Variants in NECAB1 observed in about 807,000 individuals in gnomAD.
NECAB1 encodes the protein N-terminal EF-hand calcium-binding protein 1.
A neutral mutation model predicts 57.5 loss-of-function variants in NECAB1; 29 were observed. The ratio of observed to expected loss-of-function variants is 0.50; its 90% CI spans 0.38 to 0.69. The LOEUF is 0.69. Among genes scored for constraint, NECAB1 ranks in the 30% least tolerant of loss-of-function variants. NECAB1 has a pLI of 0.00. For synonymous variants in NECAB1, 142 were observed against 147.7 expected (o/e 0.96, Z 0.28); for missense variants, 372 against 413.8 (o/e 0.90, Z 0.88).
At chr8:90,907,145 T>TGAGAGAGA (rs1455170539) in intron 5 of NECAB1, among the ~76,000 whole-genome samples, 137 of 104,186 alleles carry the variant, frequency 1.3e-3, no homozygotes, top group African/African-American at 3.4e-3. Context: ...TGTGTGTGTG[T>TGAGAGAGA]GTGTGTGAGA....
intron 3 of NECAB1, among the ~76,000 whole-genome samples, chr8:90,840,627 A>C (rs1051383904): frequency 6.6e-6 from 1 of 152,218 alleles, no homozygotes; most frequent in South Asian, 2.1e-4. Context: ...AGAAAATTGT[A>C]AAAACGTATG....
intron 4 of NECAB1, among the ~76,000 whole-genome samples, chr8:90,877,447 G>C (rs980300823): frequency 6.6e-6 from 1 of 151,980 alleles, no homozygotes; most frequent in Non-Finnish European, 1.5e-5. Context: ...AGGGAACCTC[G>C]CCCTCAACCC....
intron 2 of NECAB1, among the ~76,000 whole-genome samples, chr8:90,815,523 G>T (rs2129684397): frequency 6.6e-6 from 1 of 151,912 alleles, no homozygotes; most frequent in East Asian, 1.9e-4. Flanking sequence ...ACCTTCAAAA[G>T]TCCTCTGTTC....
At chr8:90,795,995 T>A (rs929933532) in intron 1 of NECAB1, among the ~76,000 whole-genome samples, 2 of 152,178 alleles carry the variant, frequency 1.3e-5, no homozygotes, top group Non-Finnish European at 2.9e-5. Context: ...AAAAAATTTT[T>A]AAAAAAGTAT....
intron 5 of NECAB1, among the ~76,000 whole-genome samples, chr8:90,895,947 G>T (rs1809318488): frequency 6.6e-6 from 1 of 152,176 alleles, no homozygotes; most frequent in Non-Finnish European, 1.5e-5. Flanking sequence ...ATGTCAGTAG[G>T]AGAATAATTT....
intron 5 of NECAB1, among the ~76,000 whole-genome samples, chr8:90,881,892 G>A (rs116842618): frequency 6.6e-6 from 1 of 152,310 alleles, no homozygotes; most frequent in East Asian, 1.9e-4. Context: ...AAGGAAGTTG[G>A]TAGAGCTGGA....
rs745599002 is a variant in NECAB1 at position 90,906,872 on chromosome 8, T to TAC, written c.358-10616_358-10615dup. Among the ~76,000 whole-genome samples the TAC allele has an allele frequency of 1.6e-3, 175 of 109,028 alleles. 4 individuals carry two copies. Among genetic ancestry groups the TAC allele is most frequent in the East Asian group, 2.3e-3 (8 of 3,474 alleles). The allele number at this position is 109,028 out of a possible 152,430, so 71.5% of individuals were successfully genotyped here. On this transcript the variant is annotated intron_variant, in intron 5 of 12. Coordinates refer to ENST00000417640, the MANE Select transcript of NECAB1 (RefSeq NM_022351.5). ...ATCCACCTTTTCCTTACATATGATA[T>TAC]ACACATATATATATATATATATATA... is the stretch of plus-strand genomic sequence containing the variant.
chr8:90,889,655 A>T (rs1778687073), intron 5 of NECAB1, among the ~76,000 whole-genome samples: 1 of 152,200 alleles, frequency 6.6e-6, no homozygotes, highest in Non-Finnish European at 1.5e-5. Flanking sequence ...AAGGAAATAG[A>T]GTCAGCTATG....
intron 2 of NECAB1, chr8:90,806,790 T>C (rs1462242718): frequency 2.0e-5 from 3 of 152,254 alleles, no homozygotes; most frequent in African/African-American, 7.2e-5. Flanking sequence ...TAAATGAGAT[T>C]ATGCCTCTGA....
intron 2 of NECAB1, among the ~76,000 whole-genome samples, chr8:90,802,841 C>A (rs1811782817): frequency 6.6e-6 from 1 of 152,014 alleles, no homozygotes; most frequent in South Asian, 2.1e-4. Context: ...GCTTTTTGTT[C>A]CCATTTGAAG....
rs1810999461 is a variant in NECAB1, at chr8:90,955,017, G to A, written c.1031-470G>A. ...TGTATATGTACACATATGCATATAT[G>A]TATATACATATATAAATGCAGGTGC... On this transcript the variant is annotated intron_variant, in intron 12 of 12. Transcript: ENST00000417640. Among the ~76,000 whole-genome samples the A allele has an allele frequency of 2.1e-5, 3 of 142,536 alleles. No individual in the cohort carries two copies. In the South Asian group the frequency reaches 6.5e-4, roughly 31 times the overall value. 93.5% of individuals were successfully genotyped at this position (142,536 alleles called of 152,430 possible). A position where few individuals can be genotyped will look rare whatever the true frequency, so the allele number is the denominator to read the frequency against.
At chr8:90,848,663 G>A (rs1586055933) in intron 3 of NECAB1, among the ~76,000 whole-genome samples, 1 of 152,224 alleles carries the variant, frequency 6.6e-6, no homozygotes, top group Admixed American at 6.5e-5. Context: ...AGGCAAGACA[G>A]CTTGTGCAGG....
chr8:90,859,352 G>A (rs1812853901), intron 3 of NECAB1: 1 of 152,186 alleles, frequency 6.6e-6, no homozygotes, highest in African/African-American at 2.4e-5. Context: ...AGTATTGCTA[G>A]GGAAGAAGGT....
chr8:90,896,926 A>G (rs1218431521), intron 5 of NECAB1, among the ~76,000 whole-genome samples: 1 of 152,168 alleles, frequency 6.6e-6, no homozygotes, highest in Non-Finnish European at 1.5e-5. Context: ...TTAGCCTGTG[A>G]GGTCTAACCC....
At chr8:90,925,143 T>A (rs1270704468) in intron 6 of NECAB1, among the ~76,000 whole-genome samples, 2 of 152,050 alleles carry the variant, frequency 1.3e-5, no homozygotes, top group Non-Finnish European at 2.9e-5. Flanking sequence ...ATTTGACTCC[T>A]AAAAATATAT....
Position 90,958,896 on chromosome 8 carries a change from C to A in NECAB1, c.*3384C>A. 1.6e-6 allele frequency: 1 copy of A among 633,540 alleles called. No homozygotes were observed. Among genetic ancestry groups the A allele is most frequent in the Non-Finnish European group, 2.6e-6 (1 of 387,236 alleles). 39.2% of individuals were successfully genotyped at this position (633,540 alleles called of 1,614,324 possible). ...CTCATTTTTAGAGAAGTCAAATAGC[C>A]AACCATCAAAATTAAGAATAAATTG... On this transcript the variant is annotated 3_prime_UTR_variant, in exon 13 of 13. Transcript: ENST00000417640.
At chr8:90,948,675 G>A (rs1321935242) in intron 10 of NECAB1, among the ~76,000 whole-genome samples, 1 of 152,038 alleles carries the variant, frequency 6.6e-6, no homozygotes, top group Non-Finnish European at 1.5e-5. Flanking sequence ...AGTTTTTAAA[G>A]GCATCTTTAT....
chr8:90,864,646 CATT>C (rs1808475091), intron 3 of NECAB1, among the ~76,000 whole-genome samples: 2 of 151,930 alleles, frequency 1.3e-5, no homozygotes, highest in Admixed American at 1.3e-4. Context: ...GATTTGGGGT[CATT>C]ATTATTATTT....
At chr8:90,854,222 T>C (rs1270227937) in intron 3 of NECAB1, among the ~76,000 whole-genome samples, 1 of 152,222 alleles carries the variant, frequency 6.6e-6, no homozygotes, top group Non-Finnish European at 1.5e-5. Flanking sequence ...CCCCTTTCTA[T>C]TATTGGTTCA....
Sources: allele counts gnomAD v4.1 joint callset (sites outside exome capture counted in the v4.1 genomes callset), GRCh38; gene constraint gnomAD v4.1.1; transcripts MANE v1.5; gene names NCBI Gene and HGNC (gene_info 2026-07-23, HGNC 2026-07-21).